Variants in CDC123 observed in about 807,000 individuals in gnomAD.
The protein encoded by CDC123 is cell division cycle 123, also known as translation initiation factor eIF2 assembly protein.
In CDC123, 37 loss-of-function variants were observed where a neutral mutation model predicts 54.4. The observed-to-expected ratio is 0.68, with a 90% CI of 0.52 to 0.89. The LOEUF (loss-of-function observed/expected upper bound fraction) is 0.89, where lower values mean the gene tolerates loss of function less well. Among genes scored for constraint, CDC123 ranks in the 40% least tolerant of loss-of-function variants. CDC123 has a pLI of 0.00. For missense variants in CDC123, 361 were observed against 412.1 expected, an observed-to-expected ratio of 0.88 and a Z score of 1.07; for synonymous variants, 144 against 136.8, an observed-to-expected ratio of 1.05 and a Z score of -0.37.
chr10:12,206,815 C>G (rs528113984), intron 2 of CDC123, among the ~76,000 whole-genome samples: 1 of 151,868 alleles, frequency 6.6e-6, no homozygotes, highest in East Asian at 1.9e-4. Flanking sequence ...AAAAATTAGC[C>G]GGGTGTGGTG....
chr10:12,243,932 T>A (rs1836093832), intron 10 of CDC123, among the ~76,000 whole-genome samples: 1 of 152,234 alleles, frequency 6.6e-6, no homozygotes, highest in South Asian at 2.1e-4. Flanking sequence ...CGGCTGATAC[T>A]GTTTCACATA....
chr10:12,237,404 T>C, intron 9 of CDC123, 138 bp downstream of exon 9: 2 of 620,902 alleles, frequency 3.2e-6, no homozygotes, highest in Non-Finnish European at 4.7e-6. Context: ...TTATTTGTTA[T>C]TTTTGATAGT....
chr10:12,234,132 G>A lies in CDC123; in HGVS notation c.490-916G>A, dbSNP rs535802109. Among the ~76,000 whole-genome samples, 16 of 151,882 alleles carry A rather than the reference G, an allele frequency of 1.1e-4. 1 individual carries two copies. In the East Asian group the frequency reaches 3.1e-3, roughly 29 times the overall value. On this transcript the variant is annotated intron_variant, in intron 7 of 12. Coordinates refer to ENST00000281141, the MANE Select transcript of CDC123 (RefSeq NM_006023.3). The stretch of plus-strand genomic sequence containing the variant: ...TTTTTAGATGGAGTTTTGCTCTGTC[G>A]CCCAGGCTGGAGTGCAGTGTGGCGC...
chr10:12,217,423 G>C lies in CDC123; in HGVS notation c.396G>C (p.Leu132=), dbSNP rs958374758. 6.2e-7 allele frequency: 1 copy of C among 1,613,930 alleles called. No individual in the cohort carries two copies. Among genetic ancestry groups the C allele is most frequent in the Non-Finnish European group, 8.5e-7 (1 of 1,179,916 alleles). The part of the protein sequence containing the change: ...LKCKTLSDIF[L]LFKSSDFITR... ...GTAAAACCCTCAGCGACATCTTTCT[G>C]CTTTTCAAGAGTTCCGATTTCATCA... is the stretch of plus-strand genomic sequence containing the variant. Residue 132 remains leucine (L), a synonymous_variant, in exon 6 of 13, where the codon CTG becomes CTC. Transcript: ENST00000281141.
At chr10:12,216,884 T>C (rs1018523341) in intron 5 of CDC123, among the ~76,000 whole-genome samples, 1 of 152,228 alleles carries the variant, frequency 6.6e-6, no homozygotes, top group Non-Finnish European at 1.5e-5. Flanking sequence ...ATAGCTCACC[T>C]CCTTCTCTTT....
intron 2 of CDC123, among the ~76,000 whole-genome samples, chr10:12,199,931 T>C (rs1176013397): frequency 3.3e-5 from 5 of 151,692 alleles, no homozygotes; most frequent in Non-Finnish European, 5.9e-5. Flanking sequence ...CACGCTATTC[T>C]CCTGCCTCAG....
chr10:12,240,007 CAAAA>C (rs34192186), intron 10 of CDC123, among the ~76,000 whole-genome samples: 3 of 101,702 alleles, frequency 2.9e-5, no homozygotes, highest in South Asian at 2.9e-4. Flanking sequence ...GACTCCGTCT[CAAAA>C]AAAAAAAAAA....
At chr10:12,215,887 G>A (rs780716430) in intron 5 of CDC123, 52 bp downstream of exon 5, 1 of 1,235,356 alleles carries the variant, frequency 8.1e-7, no homozygotes. Context: ...TTGTTTTGCT[G>A]TTTATTTCAT....
At position 12,237,600 on chromosome 10, in the gene CDC123, A is replaced by C. The variant is rs145718852; in HGVS notation, c.688+334A>C. The C allele has an allele frequency of 7.0e-3, 1,082 of 154,036 alleles. 51 individuals are homozygous for C. The East Asian group carries it at 0.12, about 17-fold the overall frequency. 9.5% of individuals were successfully genotyped at this position (154,036 alleles called of 1,614,324 possible). ...AGGTGCACGTCACCACACCCGGCTA[A>C]TTTTTTGTATGTTTAGTAGAGATGG... On this transcript the variant is annotated intron_variant, in intron 9 of 12. Transcript: ENST00000281141.
intron 1 of CDC123, among the ~76,000 whole-genome samples, chr10:12,197,537 C>T (rs1163414104): frequency 1.3e-5 from 2 of 151,796 alleles, no homozygotes; most frequent in African/African-American, 2.4e-5. Context: ...CCACCACCCC[C>T]GGCTAATTTT....
intron 4 of CDC123, among the ~76,000 whole-genome samples, chr10:12,211,751 A>C (rs975101157): frequency 1.3e-5 from 2 of 152,238 alleles, no homozygotes; most frequent in African/African-American, 4.8e-5. Flanking sequence ...GCCTGACAGG[A>C]CAAGTGGTAT....
At chr10:12,212,622 G>A (rs1259627069) in intron 4 of CDC123, among the ~76,000 whole-genome samples, 4 of 152,132 alleles carry the variant, frequency 2.6e-5, no homozygotes, top group Non-Finnish European at 5.9e-5. Context: ...GCAGGTGTGT[G>A]CCAGCATGCT....
intron 8 of CDC123, 93 bp from the exon 9 acceptor site, chr10:12,237,051 T>G: frequency 7.2e-7 from 1 of 1,382,480 alleles, no homozygotes; most frequent in Non-Finnish European, 9.5e-7. Context: ...TAATCTACTT[T>G]AATGGTTCTT....
chr10:12,217,373 A>G lies in CDC123; in HGVS notation c.346A>G (p.Ile116Val). 6.2e-7 allele frequency: 1 copy of G among 1,613,298 alleles called. No individual in the cohort carries two copies. The highest frequency in any genetic ancestry group is 8.5e-7 in the Non-Finnish European group (1 of 1,179,628). ...CTTCATTCTTTAGGATGCGTATTGG[A>G]TAGCAATGAATAGTTCTCTGAAATG... ...NWSAPRDAYW[I>V]AMNSSLKCKT... The change falls in exon 6 of 13, where the codon ATA (isoleucine) becomes GTA (valine). Residue 116 changes from isoleucine to valine, a missense_variant. By Grantham distance (29) the Ile-to-Val change is conservative (BLOSUM62 3). Transcript: ENST00000281141.
intron 2 of CDC123, among the ~76,000 whole-genome samples, chr10:12,206,500 A>G (rs757679823): frequency 1.2e-4 from 19 of 152,260 alleles, no homozygotes; most frequent in Non-Finnish European, 2.8e-4. Flanking sequence ...AAAAGCAAGA[A>G]TTACAAAGAG....
intron 4 of CDC123, among the ~76,000 whole-genome samples, chr10:12,213,456 A>G (rs1835628339): frequency 6.6e-6 from 1 of 152,320 alleles, no homozygotes; most frequent in Middle Eastern, 3.4e-3. Context: ...GGTAAGAACA[A>G]CAGAGAGAGG....
Position 12,204,283 on chromosome 10 carries a change from C to T in CDC123, c.146+5507C>T, listed in dbSNP as rs560677467. 2.6e-4 allele frequency among the ~76,000 whole-genome samples: 39 copies of T among 152,118 alleles called. 1 individual carries two copies. Among genetic ancestry groups the T allele is most frequent in the Admixed American group, 2.0e-3 (30 of 15,284 alleles). On this transcript the variant is annotated intron_variant, in intron 2 of 12. Coordinates refer to ENST00000281141, the MANE Select transcript of CDC123 (RefSeq NM_006023.3). ...AATCCTCATTGTTTCTTCTTGGTCA[C>T]GAGTTCTTTCCTGACCTTGTCTCCC...
chr10:12,210,459 T>C, intron 4 of CDC123, 137 bp downstream of exon 4: 1 of 1,079,270 alleles, frequency 9.3e-7, no homozygotes, highest in Middle Eastern at 2.1e-4. Flanking sequence ...TGGGCTGTCG[T>C]TTTTATTTTG....
chr10:12,250,295 T>G lies in CDC123; in HGVS notation c.985-16T>G. The stretch of plus-strand genomic sequence containing the variant: ...AGCATGTGCTATTTTAACATCCCCT[T>G]GGTTTTCTTTGACAGAAGAGAAATC... On this transcript the variant is annotated splice_polypyrimidine_tract_variant and intron_variant, in intron 12 of 12. Transcript: ENST00000281141. 2 of 1,551,676 alleles carry G rather than the reference T, an allele frequency of 1.3e-6. No homozygotes were observed. The highest frequency in any genetic ancestry group is 1.8e-6 in the Non-Finnish European group (2 of 1,132,544).
Sources: allele counts gnomAD v4.1 joint callset (sites outside exome capture counted in the v4.1 genomes callset), GRCh38; gene constraint gnomAD v4.1.1; transcripts MANE v1.5; gene names NCBI Gene and HGNC (gene_info 2026-07-23, HGNC 2026-07-21).